The following CRBN variants were observed in gnomAD, a reference collection of about 807,000 sequenced individuals.
The protein encoded by CRBN is protein cereblon.
Under a neutral mutation model 62.2 loss-of-function variants are expected in CRBN, and 53 were observed. The observed-to-expected ratio is 0.85, with a 90% CI of 0.68 to 1.07. The LOEUF is 1.07. Ranked by LOEUF, CRBN falls within the 50% of genes least tolerant of loss-of-function variation. The pLI is 0.00. For missense variants in CRBN, 616 were observed against 531.1 expected, an observed-to-expected ratio of 1.16 and a Z score of -1.57; for synonymous variants, 208 against 176.1, an observed-to-expected ratio of 1.18 and a Z score of -1.43.
At chr3:3,151,967 T>C (rs1440244251) in intron 10 of CRBN, among the ~76,000 whole-genome samples, 1 of 152,190 alleles carries the variant, frequency 6.6e-6, no homozygotes, top group Non-Finnish European at 1.5e-5. Flanking sequence ...TACTGGGTCA[T>C]AAGACAGCTG....
intron 5 of CRBN, among the ~76,000 whole-genome samples, chr3:3,165,624 T>C (rs914844664): frequency 9.9e-5 from 15 of 152,238 alleles, no homozygotes; most frequent in Non-Finnish European, 2.2e-4. Context: ...TAGAATCTTA[T>C]TGTACACATG....
intron 4 of CRBN, among the ~76,000 whole-genome samples, chr3:3,171,932 T>C (rs972079137): frequency 5.2e-4 from 79 of 152,334 alleles, no homozygotes; most frequent in African/African-American, 1.8e-3. Flanking sequence ...ACCAGGACTG[T>C]GTATCTGTGA....
At chr3:3,151,105 A>AT in intron 10 of CRBN, 60 bp from the exon 11 acceptor site, 1 of 1,566,580 alleles carries the variant, frequency 6.4e-7, no homozygotes, top group Non-Finnish European at 8.7e-7. Context: ...AGCCTATCAT[A>AT]TAAACCTATC....
At position 3,171,618 on chromosome 3, in the gene CRBN, A is replaced by T. The variant is rs145876301; in HGVS notation, c.527+1158T>A. ...AACTAAACACCCTAAGAGCTCTGGC[A>T]ATCCCATCTCACATGCCTCTATGCT... On this transcript the variant is annotated intron_variant, in intron 4 of 10. Coordinates refer to ENST00000231948, the MANE Select transcript of CRBN (RefSeq NM_016302.4). 8.9e-4 allele frequency among the ~76,000 whole-genome samples: 136 copies of T among 152,296 alleles called. 4 individuals carry two copies. The East Asian group carries it at 0.024, about 27-fold the overall frequency.
chr3:3,174,019 G>A, intron 3 of CRBN, 40 bp downstream of exon 3: 4 of 1,523,160 alleles, frequency 2.6e-6, no homozygotes, highest in Non-Finnish European at 3.6e-6. Flanking sequence ...AATTACCCAT[G>A]AGAGGGAATG....
At chr3:3,170,928 C>T (rs947367908) in intron 4 of CRBN, among the ~76,000 whole-genome samples, 1 of 152,144 alleles carries the variant, frequency 6.6e-6, no homozygotes, top group Non-Finnish European at 1.5e-5. Flanking sequence ...GCCTCAGCCT[C>T]CCTAGTAGCT....
chr3:3,179,485 G>T, intron 1 of CRBN, 136 bp downstream of exon 1: 1 of 777,228 alleles, frequency 1.3e-6, no homozygotes, highest in Non-Finnish European at 2.2e-6. Context: ...ACGTGAAGCA[G>T]CTTTCCGGTG....
chr3:3,175,388 G>A, intron 1 of CRBN, 119 bp from the exon 2 acceptor site: 1 of 742,666 alleles, frequency 1.3e-6, no homozygotes, highest in Non-Finnish European at 2.3e-6. Context: ...AAACTCTACA[G>A]CACCGTGAAG....
chr3:3,157,819 A>G (rs975223101), intron 5 of CRBN, among the ~76,000 whole-genome samples: 1 of 152,182 alleles, frequency 6.6e-6, no homozygotes, highest in African/African-American at 2.4e-5. Flanking sequence ...CTATGAGACA[A>G]TGTTATTCTA....
In CRBN at chr3:3,150,249, TAAA is replaced by T. The variant is rs1706415733; in HGVS notation, c.*613_*615del. The stretch of plus-strand genomic sequence containing the variant: ...ATACTACTTTTTACTAACAGGCACA[TAAA>T]GGAAATGACAACTATTCGTGGGCTC... On this transcript the variant is annotated 3_prime_UTR_variant, in exon 11 of 11. Coordinates refer to ENST00000231948, the MANE Select transcript of CRBN (RefSeq NM_016302.4). The T allele has an allele frequency of 6.6e-6, 1 of 152,556 alleles. No individual in the cohort carries two copies. Among genetic ancestry groups the T allele is most frequent in the Non-Finnish European group, 1.5e-5 (1 of 68,360 alleles). 9.5% of individuals were successfully genotyped at this position (152,556 alleles called of 1,614,324 possible). A position where few individuals can be genotyped will look rare whatever the true frequency, so the allele number is the denominator to read the frequency against.
intron 5 of CRBN, among the ~76,000 whole-genome samples, chr3:3,161,640 GC>G (rs1707144399): frequency 6.6e-6 from 1 of 152,136 alleles, no homozygotes; most frequent in Non-Finnish European, 1.5e-5. Context: ...ACCCGCCTCA[GC>G]CTCCCAAAGT....
At chr3:3,172,585 AG>A in intron 4 of CRBN, 190 bp downstream of exon 4, 1 of 611,694 alleles carries the variant, frequency 1.6e-6, no homozygotes. Context: ...AAGCTTCTAT[AG>A]TTTTAAAAGC....
At chr3:3,153,201 C>CT (rs1296668899) in intron 9 of CRBN, 5 of 480,922 alleles carry the variant, frequency 1.0e-5, no homozygotes, top group Non-Finnish European at 1.5e-5. Context: ...AGTTGTTTTA[C>CT]TTTACCATGC....
chr3:3,154,396 A>G (rs771088913), intron 7 of CRBN: 7 of 444,464 alleles, frequency 1.6e-5, no homozygotes, highest in Non-Finnish European at 2.4e-5. Context: ...AGTATCTATA[A>G]TTAAGGCAAG....
At chr3:3,169,095 A>C (rs901109959) in intron 4 of CRBN, among the ~76,000 whole-genome samples, 1 of 152,166 alleles carries the variant, frequency 6.6e-6, no homozygotes, top group African/African-American at 2.4e-5. Context: ...TTACCCAACT[A>C]TTGTATAAGA....
Position 3,167,810 on chromosome 3 carries a change from C to G in CRBN, c.528-17G>C, listed in dbSNP as rs752913800. The G allele has an allele frequency of 6.2e-7, 1 of 1,611,832 alleles. No homozygotes were observed. The highest frequency in any genetic ancestry group is 2.2e-5 in the East Asian group (1 of 44,816). On this transcript the variant is annotated splice_polypyrimidine_tract_variant and intron_variant, in intron 4 of 10. Transcript: ENST00000231948. ...TGCTGGATTCTAAAATAAAGAGAACCAAGCATGGTATTCATTTCTAAGATT... is the reference window on the plus strand; with the variant it reads ...TGCTGGATTCTAAAATAAAGAGAACGAAGCATGGTATTCATTTCTAAGATT...
intron 1 of CRBN, among the ~76,000 whole-genome samples, chr3:3,175,587 C>T (rs530213055): frequency 3.3e-5 from 5 of 152,286 alleles, no homozygotes; most frequent in South Asian, 2.1e-4. Context: ...TTTGCCACAA[C>T]GAAGGAATCA....
chr3:3,168,763 A>G (rs894257407), intron 4 of CRBN, among the ~76,000 whole-genome samples: 1 of 152,186 alleles, frequency 6.6e-6, no homozygotes, highest in African/African-American at 2.4e-5. Context: ...GTTAGAAAGT[A>G]TCTAAGTTTA....
At chr3:3,167,044 A>G (rs566376556) in intron 5 of CRBN, among the ~76,000 whole-genome samples, 1 of 152,206 alleles carries the variant, frequency 6.6e-6, no homozygotes, top group Non-Finnish European at 1.5e-5. Context: ...CACATCTCAC[A>G]AACGAGTAGA....
Sources: allele counts gnomAD v4.1 joint callset (sites outside exome capture counted in the v4.1 genomes callset), GRCh38; gene constraint gnomAD v4.1.1; transcripts MANE v1.5; gene names NCBI Gene and HGNC (gene_info 2026-07-23, HGNC 2026-07-21).